The following ZMPSTE24 variants were observed in gnomAD, a reference collection of about 807,000 sequenced individuals.
ZMPSTE24 encodes the protein zinc metallopeptidase STE24.
A neutral mutation model predicts 56.7 loss-of-function variants in ZMPSTE24; 48 were observed. The ratio of observed to expected loss-of-function variants is 0.85; its 90% CI spans 0.67 to 1.08. The LOEUF (loss-of-function observed/expected upper bound fraction) is 1.08, where lower values mean the gene tolerates loss of function less well. Ranked by LOEUF, ZMPSTE24 falls within the 50% of genes least tolerant of loss-of-function variation. The pLI is 0.00. For missense variants in ZMPSTE24, 503 were observed against 548.7 expected (o/e 0.92, Z 0.83); for synonymous variants, 172 against 195.2 (o/e 0.88, Z 0.99).
chr1:40,275,082 T>C (rs1485148675), intron 6 of ZMPSTE24, among the ~76,000 whole-genome samples: 1 of 151,920 alleles, frequency 6.6e-6, no homozygotes, highest in Non-Finnish European at 1.5e-5. Flanking sequence ...CTGCAAGCAA[T>C]AGAAACCAAC....
At chr1:40,288,459 G>C (rs908345327) in intron 8 of ZMPSTE24, among the ~76,000 whole-genome samples, 2 of 152,192 alleles carry the variant, frequency 1.3e-5, no homozygotes, top group African/African-American at 4.8e-5. Context: ...CTGAGATGTG[G>C]TACCTTATCA....
Position 40,270,105 on chromosome 1 carries a change from T to C in ZMPSTE24, c.605T>C (p.Leu202Pro), listed in dbSNP as rs1643598757. 6.2e-7 allele frequency: 1 copy of C among 1,613,882 alleles called. No individual in the cohort carries two copies. Among genetic ancestry groups the C allele is most frequent in the Non-Finnish European group, 8.5e-7 (1 of 1,179,954 alleles). ...GGDYFFIYAW[L>P]FTLVVSLVLV... ...GACTATTTTTTTATTTATGCCTGGC[T>C]GTTCACATTAGTTGTGTCTCTGGTG... Residue 202 changes from leucine to proline, a missense_variant, in exon 5 of 10, where the codon CTG becomes CCG. By Grantham distance (98) the Leu-to-Pro change is moderately conservative. Transcript: ENST00000372759.
At chr1:40,292,375 C>T in intron 9 of ZMPSTE24, 70 bp from the exon 10 acceptor site, 1 of 1,464,622 alleles carries the variant, frequency 6.8e-7, no homozygotes, top group Non-Finnish European at 9.5e-7. Context: ...TCTACAGTCT[C>T]AGCTCATGGA....
Position 40,260,683 on chromosome 1 carries a change from T to G in ZMPSTE24, c.124-156T>G, listed in dbSNP as rs1643487983. ...TTCTGCTTTTATTTTCCTGCATCAGTCGTTTCATGTACTTGATCAAGTGCA... is the reference window on the plus strand; with the variant it reads ...TTCTGCTTTTATTTTCCTGCATCAGGCGTTTCATGTACTTGATCAAGTGCA... On this transcript the variant is annotated intron_variant, in intron 1 of 9. Transcript: ENST00000372759. Among the ~76,000 whole-genome samples the G allele has an allele frequency of 2.0e-5, 3 of 152,224 alleles. No homozygotes were observed. In the South Asian group the frequency reaches 6.2e-4, roughly 32 times the overall value.
At chr1:40,287,401 G>A (rs1022546545) in intron 8 of ZMPSTE24, among the ~76,000 whole-genome samples, 2 of 152,078 alleles carry the variant, frequency 1.3e-5, no homozygotes, top group African/African-American at 2.4e-5. Context: ...AGTTATTGCC[G>A]GCGTGGTGGC....
At chr1:40,290,697 C>T (rs1216939484) in intron 8 of ZMPSTE24, 157 bp from the exon 9 acceptor site, 3 of 682,906 alleles carry the variant, frequency 4.4e-6, no homozygotes, top group Non-Finnish European at 7.2e-6. Context: ...CTCCTGACCT[C>T]GTGATCCACC....
rs1168602731 is a variant in ZMPSTE24, at chr1:40,290,962, A to G, written c.1168A>G (p.Ile390Val). ...DSQPTLIGLL[I>V]IFQFIFSPYN... ...CCAACCCACTCTTATTGGACTATTG[A>G]TCATCTTCCAGTTTATTTTTTCACC... The change falls in exon 9 of 10, where the codon ATC becomes GTC. Residue 390 changes from isoleucine to valine, a missense_variant. Ile to Val is a conservative substitution (Grantham distance 29). Coordinates refer to ENST00000372759, the MANE Select transcript of ZMPSTE24 (RefSeq NM_005857.5). The G allele has an allele frequency of 3.7e-6, 6 of 1,613,912 alleles. No homozygotes were observed. The South Asian group carries it at 5.5e-5, about 15-fold the overall frequency.
chr1:40,273,537 A>AAAAAAAATAT (rs1224234676), intron 6 of ZMPSTE24, among the ~76,000 whole-genome samples: 4 of 12,386 alleles, frequency 3.2e-4, no homozygotes, highest in Non-Finnish European at 5.9e-4. Flanking sequence ...AAAAAAAAAA[A>AAAAAAAATAT]ATATATATAT....
intron 1 of ZMPSTE24, among the ~76,000 whole-genome samples, chr1:40,260,436 T>C (rs1298766609): frequency 6.6e-6 from 1 of 152,182 alleles, no homozygotes; most frequent in Non-Finnish European, 1.5e-5. Flanking sequence ...TAGGACCAAA[T>C]TTAATGAGCA....
chr1:40,272,011 T>G lies in ZMPSTE24; in HGVS notation c.745T>G (p.Leu249Val). 1 of 1,612,098 alleles carries G rather than the reference T, an allele frequency of 6.2e-7. No individual in the cohort carries two copies. Among genetic ancestry groups the G allele is most frequent in the Non-Finnish European group, 8.5e-7 (1 of 1,178,858 alleles). The change falls in exon 6 of 10, where the codon TTG becomes GTG. Residue 249 changes from leucine (L) to valine (V), a missense_variant. Transcript: ENST00000372759. ...AATGGCAAAGAGTATTGACTTTCCTTTGACGAAGGTGTATGTTGTGGAAGG... is the reference window on the plus strand; with the variant it reads ...AATGGCAAAGAGTATTGACTTTCCTGTGACGAAGGTGTATGTTGTGGAAGG... ...EVMAKSIDFP[L>V]TKVYVVEGSK... is the part of the protein sequence containing the mutation.
chr1:40,280,430 T>C (rs1435540190), intron 6 of ZMPSTE24, among the ~76,000 whole-genome samples: 3 of 152,146 alleles, frequency 2.0e-5, no homozygotes, highest in South Asian at 2.1e-4. Context: ...CTTTTTTTTT[T>C]TTCTTTCTTT....
rs760514585 is a variant in ZMPSTE24, at chr1:40,292,650, A to G, written c.1409A>G (p.Lys470Arg). The G allele has an allele frequency of 1.9e-6, 3 of 1,614,026 alleles. No homozygotes were observed. Among genetic ancestry groups the G allele is most frequent in the South Asian group, 2.2e-5 (2 of 91,070 alleles). ...CTGCTAGAGAGACTTCAAGCTTTGA[A>G]AACTATGAAGCAACACTGAGATGTC... is the stretch of plus-strand genomic sequence containing the variant. ...PPLLERLQALKTMKQH is the reference protein window; with the variant it reads ...PPLLERLQALRTMKQH Residue 470 changes from lysine (K) to arginine (R), a missense_variant, in exon 10 of 10, where the codon AAA (lysine) becomes AGA (arginine). Transcript: ENST00000372759.
At chr1:40,289,034 T>C (rs529699649) in intron 8 of ZMPSTE24, among the ~76,000 whole-genome samples, 30 of 152,242 alleles carry the variant, frequency 2.0e-4, no homozygotes, top group Non-Finnish European at 4.0e-4. Flanking sequence ...GGTGCCAGCA[T>C]ATTGTATTAA....
chr1:40,287,878 T>G (rs886846747), intron 8 of ZMPSTE24, among the ~76,000 whole-genome samples: 3 of 151,974 alleles, frequency 2.0e-5, no homozygotes, highest in Admixed American at 2.0e-4. Context: ...TTTTCAGACC[T>G]TTAAAAAGGC....
intron 8 of ZMPSTE24, 47 bp downstream of exon 8, chr1:40,286,076 T>A: frequency 1.3e-6 from 2 of 1,518,160 alleles, no homozygotes; most frequent in Admixed American, 1.7e-5. Flanking sequence ...ATAGTCAAAT[T>A]AGAACTATGG....
intron 9 of ZMPSTE24, 64 bp downstream of exon 9, chr1:40,291,061 A>G: frequency 6.3e-7 from 1 of 1,586,426 alleles, no homozygotes; most frequent in Admixed American, 1.7e-5. Flanking sequence ...TAGAGCTTTC[A>G]GGATAGTGAA....
chr1:40,292,232 CT>C (rs1247122559), intron 9 of ZMPSTE24, among the ~76,000 whole-genome samples: 5 of 152,108 alleles, frequency 3.3e-5, no homozygotes, highest in Admixed American at 3.3e-4. Flanking sequence ...GGATGTTTAA[CT>C]TTTATATGTG....
At chr1:40,281,273 T>G in intron 6 of ZMPSTE24, 70 bp from the exon 7 acceptor site, 1 of 1,415,868 alleles carries the variant, frequency 7.1e-7, no homozygotes, top group South Asian at 1.2e-5. Context: ...TAATTCAATT[T>G]CTAGGAGTCT....
At position 40,292,432 on chromosome 1, in the gene ZMPSTE24, T is replaced by C; in HGVS notation, c.1204-13T>C. ...GTGGGCAGTGGCTAAAACCCTTTCATTTTCTTTTTCAGGTTCTTTCTTTTT... is the reference window on the plus strand; with the variant it reads ...GTGGGCAGTGGCTAAAACCCTTTCACTTTCTTTTTCAGGTTCTTTCTTTTT... On this transcript the variant is annotated splice_polypyrimidine_tract_variant and intron_variant, in intron 9 of 9. Coordinates refer to ENST00000372759, the MANE Select transcript of ZMPSTE24 (RefSeq NM_005857.5). 1 of 1,612,770 alleles carries C rather than the reference T, an allele frequency of 6.2e-7. No homozygotes were observed. Among genetic ancestry groups the C allele is most frequent in the Non-Finnish European group, 8.5e-7 (1 of 1,179,728 alleles).
Sources: gnomAD v4.1 joint callset for allele counts (sites outside exome capture counted in the v4.1 genomes callset) on GRCh38, gnomAD v4.1.1 for gene constraint, MANE v1.5 for transcripts, NCBI Gene and HGNC (gene_info 2026-07-23, HGNC 2026-07-21) for gene names.